Variants in EPHB1 observed in about 807,000 individuals in gnomAD.
EPHB1 encodes EPH receptor B1, also known as ephrin type-B receptor 1.
A neutral mutation model predicts 94.4 loss-of-function variants in EPHB1; 30 were observed. The observed-to-expected ratio is 0.32, with a 90% confidence interval of 0.24 to 0.43. The LOEUF (loss-of-function observed/expected upper bound fraction) is 0.43. Ranked by LOEUF, EPHB1 falls within the 20% of genes least tolerant of loss-of-function variation. The probability of loss-of-function intolerance (pLI) is 1.00; values close to 1 mark genes in which losing one functional copy is unlikely to be tolerated. For missense variants in EPHB1, 1,055 were observed against 1,308.3 expected, an observed-to-expected ratio of 0.81 and a Z score of 2.99; for synonymous variants, 522 against 489.1, an observed-to-expected ratio of 1.07 and a Z score of -0.89.
chr3:134,967,275 T>C (rs574490270), intron 3 of EPHB1, among the ~76,000 whole-genome samples: 103 of 152,028 alleles, frequency 6.8e-4, no homozygotes, highest in Non-Finnish European at 1.3e-3. Flanking sequence ...ACAACACACA[T>C]TGGTACTAAC....
chr3:135,128,930 G>A (rs1296382961), intron 4 of EPHB1, among the ~76,000 whole-genome samples: 1 of 152,128 alleles, frequency 6.6e-6, no homozygotes, highest in Non-Finnish European at 1.5e-5. Flanking sequence ...AGGAGGCAGG[G>A]GAATGATACA....
chr3:135,206,948 T>A (rs1381782565), intron 12 of EPHB1, among the ~76,000 whole-genome samples: 1 of 152,202 alleles, frequency 6.6e-6, no homozygotes, highest in Non-Finnish European at 1.5e-5. Flanking sequence ...CAAATATCTT[T>A]TCTTTCAAGT....
At chr3:135,102,257 G>T (rs1939058286) in intron 3 of EPHB1, among the ~76,000 whole-genome samples, 1 of 152,100 alleles carries the variant, frequency 6.6e-6, no homozygotes, top group Non-Finnish European at 1.5e-5. Flanking sequence ...GGCTGCCAGG[G>T]TCTCCACCAC....
chr3:135,130,688 T>C (rs545616825), intron 4 of EPHB1, among the ~76,000 whole-genome samples: 3 of 152,166 alleles, frequency 2.0e-5, no homozygotes, highest in Non-Finnish European at 4.4e-5. Context: ...GGATGATCAC[T>C]CTCTTGGTCA....
At chr3:134,889,913 C>T (rs1022201034) in intron 1 of EPHB1, among the ~76,000 whole-genome samples, 2 of 151,938 alleles carry the variant, frequency 1.3e-5, no homozygotes, top group South Asian at 2.1e-4. Context: ...CTCCTGACCT[C>T]GTGATCCTCC....
intron 10 of EPHB1, among the ~76,000 whole-genome samples, chr3:135,189,268 A>G (rs1942402136): frequency 1.3e-5 from 2 of 152,222 alleles, no homozygotes; most frequent in African/African-American, 4.8e-5. Flanking sequence ...TTTCAAAAGT[A>G]TTCAGAAGTA....
chr3:135,007,632 C>G (rs1935472440), intron 3 of EPHB1, among the ~76,000 whole-genome samples: 2 of 152,174 alleles, frequency 1.3e-5, no homozygotes, highest in South Asian at 4.1e-4. Context: ...CTGCACACCT[C>G]CATCTCCTTC....
intron 2 of EPHB1, among the ~76,000 whole-genome samples, chr3:134,937,118 TA>T (rs553696988): frequency 1.1e-3 from 174 of 152,326 alleles, no homozygotes; most frequent in Admixed American, 4.1e-3. Context: ...CTATTGGGGT[TA>T]ACCAGGGACC....
At chr3:134,885,990 C>G (rs191669912) in intron 1 of EPHB1, among the ~76,000 whole-genome samples, 1 of 152,284 alleles carries the variant, frequency 6.6e-6, no homozygotes, top group East Asian at 1.9e-4. Flanking sequence ...CAAGTGATGC[C>G]TCATGGAGCT....
intron 1 of EPHB1, among the ~76,000 whole-genome samples, chr3:134,913,077 C>G (rs969769658): frequency 2.6e-5 from 4 of 152,204 alleles, no homozygotes; most frequent in African/African-American, 9.7e-5. Context: ...GTTTGTCTCA[C>G]TGGCTCAGGA....
chr3:135,239,640 G>C (rs1218226820), intron 12 of EPHB1, among the ~76,000 whole-genome samples: 2 of 152,178 alleles, frequency 1.3e-5, no homozygotes, highest in African/African-American at 4.8e-5. Flanking sequence ...GGACAGCCTT[G>C]GCAAGAACCC....
intron 12 of EPHB1, among the ~76,000 whole-genome samples, chr3:135,205,439 T>C (rs1241036104): frequency 6.6e-6 from 1 of 152,208 alleles, no homozygotes. Context: ...ATAAAGTGGT[T>C]AACATTCATG....
chr3:135,245,013 T>C (rs1410820799), intron 13 of EPHB1, among the ~76,000 whole-genome samples: 1 of 152,134 alleles, frequency 6.6e-6, no homozygotes, highest in Non-Finnish European at 1.5e-5. Context: ...AACACAAACA[T>C]GGTAGTGGGT....
Position 134,795,327 on chromosome 3 carries a change from C to T in EPHB1, c.-305C>T, listed in dbSNP as rs1296217799. The T allele has an allele frequency of 1.7e-5, 8 of 478,960 alleles. No homozygotes were observed. Among genetic ancestry groups the T allele is most frequent in the East Asian group, 1.1e-4 (3 of 26,280 alleles). The allele number at this position is 478,960 out of a possible 1,614,324, so 29.7% of individuals were successfully genotyped here. ...GCAATGTGACACCAGGACGCACTCG[C>T]TCTCGCGCGCTCTCCCAGGCTCGTT... On this transcript the variant is annotated 5_prime_UTR_variant, in exon 1 of 16. Coordinates refer to ENST00000398015, the MANE Select transcript of EPHB1 (RefSeq NM_004441.5).
chr3:134,897,117 G>A (rs1278413675), intron 1 of EPHB1, among the ~76,000 whole-genome samples: 1 of 152,206 alleles, frequency 6.6e-6, no homozygotes, highest in Admixed American at 6.5e-5. Context: ...GGGAACCTGG[G>A]GCCCAGCCCA....
At chr3:135,184,570 T>A (rs882059) in intron 10 of EPHB1, among the ~76,000 whole-genome samples, 1 of 152,008 alleles carries the variant, frequency 6.6e-6, no homozygotes, top group Non-Finnish European at 1.5e-5. Context: ...AATTAAATAT[T>A]TGTTGTATAT....
At chr3:135,229,787 C>T (rs1943489194) in intron 12 of EPHB1, among the ~76,000 whole-genome samples, 1 of 152,188 alleles carries the variant, frequency 6.6e-6, no homozygotes, top group South Asian at 2.1e-4. Context: ...AAGGACTTGC[C>T]AGCTGTATTG....
intron 1 of EPHB1, among the ~76,000 whole-genome samples, chr3:134,854,375 C>T (rs1201883348): frequency 6.6e-6 from 1 of 152,094 alleles, no homozygotes; most frequent in African/African-American, 2.4e-5. Flanking sequence ...TCTAAACTCT[C>T]CCTCTGGATT....
At chr3:134,838,741 A>G (rs996297426) in intron 1 of EPHB1, among the ~76,000 whole-genome samples, 2 of 152,224 alleles carry the variant, frequency 1.3e-5, no homozygotes, top group South Asian at 2.1e-4. Context: ...GGATCTATTA[A>G]TAAGACAAAT....
Sources: gnomAD v4.1 joint callset for allele counts (sites outside exome capture counted in the v4.1 genomes callset) on GRCh38, gnomAD v4.1.1 for gene constraint, MANE v1.5 for transcripts, NCBI Gene and HGNC (gene_info 2026-07-23, HGNC 2026-07-21) for gene names.